CFH: variants seen among roughly 807,000 people sequenced by gnomAD.
The protein encoded by CFH is complement factor H, also known as H factor 1 (complement).
CFH carries 53 observed loss-of-function variants against 147.3 expected under a neutral mutation model. That is an observed-to-expected ratio of 0.36 (90% confidence interval 0.29 to 0.45). The LOEUF (loss-of-function observed/expected upper bound fraction) is 0.45, where lower values mean the gene tolerates loss of function less well. Ranked by LOEUF, CFH falls within the 20% of genes least tolerant of loss-of-function variation. The probability of loss-of-function intolerance (pLI) is 1.00; values close to 1 mark genes in which losing one functional copy is unlikely to be tolerated. For synonymous variants in CFH, 536 were observed against 489.4 expected (o/e 1.10, Z -1.26); for missense variants, 1,380 against 1,498.0 (o/e 0.92, Z 1.30).
At chr1:196,705,984 C>A (rs1406212340) in intron 9 of CFH, among the ~76,000 whole-genome samples, 1 of 152,016 alleles carries the variant, frequency 6.6e-6, no homozygotes, top group African/African-American at 2.4e-5. Context: ...CCAGACATGA[C>A]CAAAATTCCC....
At chr1:196,694,814 G>A (rs1055118778) in intron 9 of CFH, among the ~76,000 whole-genome samples, 1 of 152,190 alleles carries the variant, frequency 6.6e-6, no homozygotes, top group Admixed American at 6.5e-5. Context: ...TTTGAGAAGT[G>A]TCTGTTCATA....
At chr1:196,698,514 T>C (rs913304704) in intron 9 of CFH, among the ~76,000 whole-genome samples, 17 of 152,036 alleles carry the variant, frequency 1.1e-4, no homozygotes, top group African/African-American at 3.6e-4. Context: ...CTCCCAACAC[T>C]AAAGCAGAAG....
At chr1:196,731,655 T>C (rs1270143651) in intron 15 of CFH, among the ~76,000 whole-genome samples, 1 of 152,038 alleles carries the variant, frequency 6.6e-6, no homozygotes, top group African/African-American at 2.4e-5. Context: ...AAGAACTCCC[T>C]TTAACATTTC....
chr1:196,659,060 G>A (rs1270720236), intron 1 of CFH, among the ~76,000 whole-genome samples: 1 of 151,656 alleles, frequency 6.6e-6, no homozygotes, highest in Non-Finnish European at 1.5e-5. Flanking sequence ...AAATGAGATG[G>A]CTATTTCTTT....
Position 196,726,587 on chromosome 1 carries a change from T to C in CFH, c.1991T>C (p.Leu664Pro). The C allele has an allele frequency of 6.2e-7, 1 of 1,612,782 alleles. No homozygotes were observed. Among genetic ancestry groups the C allele is most frequent in the African/African-American group, 1.3e-5 (1 of 75,048 alleles). Residue 664 changes from leucine (L) to proline (P), a missense_variant, in exon 13 of 22, where the codon CTA becomes CCA. By Grantham distance (98) the Leu-to-Pro change is moderately conservative (BLOSUM62 -3). Coordinates refer to ENST00000367429, the MANE Select transcript of CFH (RefSeq NM_000186.4). Reference protein sequence around the residue: ...VVEYYCNPRFLMKGPNKIQCV... With the variant: ...VVEYYCNPRFPMKGPNKIQCV... ...GAATATTATTGCAATCCTAGATTTC[T>C]AATGAAGGGACCTAATAAAATTCAA...
At chr1:196,682,293 C>G (rs1293031093) in intron 6 of CFH, among the ~76,000 whole-genome samples, 1 of 151,646 alleles carries the variant, frequency 6.6e-6, no homozygotes, top group Non-Finnish European at 1.5e-5. Context: ...CTTCAAATGA[C>G]CAATGGTTGT....
chr1:196,661,078 G>A (rs575788738), intron 1 of CFH, among the ~76,000 whole-genome samples: 1 of 152,212 alleles, frequency 6.6e-6, no homozygotes, highest in South Asian at 2.1e-4. Context: ...TGTGCGGAAG[G>A]GGCCGGGGAT....
intron 15 of CFH, among the ~76,000 whole-genome samples, chr1:196,730,276 G>C (rs79190861): frequency 3.3e-5 from 5 of 151,658 alleles, no homozygotes; most frequent in African/African-American, 1.2e-4. Flanking sequence ...GTTTTGCTAC[G>C]TTTTGTTTCC....
chr1:196,724,168 C>G (rs1669071107), intron 11 of CFH, among the ~76,000 whole-genome samples: 1 of 151,992 alleles, frequency 6.6e-6, no homozygotes, highest in African/African-American at 2.4e-5. Flanking sequence ...AATAGCCTCC[C>G]TGGTGGTTAA....
intron 4 of CFH, among the ~76,000 whole-genome samples, chr1:196,676,538 C>A (rs1372815201): frequency 1.3e-5 from 2 of 152,002 alleles, no homozygotes; most frequent in Non-Finnish European, 2.9e-5. Context: ...TAAGGGCGAG[C>A]TCTGTTATTT....
At chr1:196,682,410 G>A (rs950108951) in intron 6 of CFH, among the ~76,000 whole-genome samples, 1 of 151,706 alleles carries the variant, frequency 6.6e-6, no homozygotes, top group Non-Finnish European at 1.5e-5. Flanking sequence ...GATTATGAGT[G>A]TAGGAAATTA....
intron 1 of CFH, among the ~76,000 whole-genome samples, chr1:196,659,216 T>C (rs1333487049): frequency 3.3e-5 from 5 of 152,228 alleles, no homozygotes; most frequent in African/African-American, 7.2e-5. Context: ...TTGAAGGTGG[T>C]TCAACTGAGC....
intron 9 of CFH, among the ~76,000 whole-genome samples, chr1:196,712,584 A>T (rs1221125301): frequency 3.3e-5 from 5 of 151,538 alleles, no homozygotes; most frequent in Admixed American, 6.6e-5. Context: ...CAACCTAGTA[A>T]ACGACAGTAA....
intron 9 of CFH, among the ~76,000 whole-genome samples, chr1:196,700,610 T>A (rs779929622): frequency 7.6e-5 from 11 of 145,694 alleles, no homozygotes; most frequent in Non-Finnish European, 1.6e-4. Context: ...GCCAAGATCG[T>A]GCCACTGCAC....
At chr1:196,711,270 T>C (rs951673480) in intron 9 of CFH, among the ~76,000 whole-genome samples, 2 of 152,140 alleles carry the variant, frequency 1.3e-5, no homozygotes, top group African/African-American at 2.4e-5. Flanking sequence ...GCTAAGGTTA[T>C]TGAAGTGGAA....
At chr1:196,746,057 AC>A in intron 21 of CFH, 58 bp downstream of exon 21, 1 of 1,610,200 alleles carries the variant, frequency 6.2e-7, no homozygotes, top group South Asian at 1.1e-5. Flanking sequence ...CTGATATTTC[AC>A]TGTTTGTAAC....
chr1:196,728,315 G>T (rs775185849), intron 14 of CFH, 31 bp from the exon 15 acceptor site: 56 of 1,304,588 alleles, frequency 4.3e-5, no homozygotes, highest in Non-Finnish European at 5.4e-5. Context: ...CCTATCATTT[G>T]AATTTTCATA....
chr1:196,739,834 A>G (rs1184942292), intron 17 of CFH, among the ~76,000 whole-genome samples: 26 of 152,174 alleles, frequency 1.7e-4, no homozygotes, highest in Non-Finnish European at 2.9e-5. Context: ...AATTTACTGT[A>G]TTAGTCTGTT....
chr1:196,654,364 A>T (rs1339610692), intron 1 of CFH, among the ~76,000 whole-genome samples: 1 of 152,102 alleles, frequency 6.6e-6, no homozygotes, highest in Non-Finnish European at 1.5e-5. Context: ...ATTGGGTACT[A>T]CATAGAACCT....
Sources: allele counts gnomAD v4.1 joint callset (sites outside exome capture counted in the v4.1 genomes callset), GRCh38; gene constraint gnomAD v4.1.1; transcripts MANE v1.5; gene names NCBI Gene and HGNC (gene_info 2026-07-23, HGNC 2026-07-21).